Variants in GDF5 observed in about 807,000 individuals in gnomAD.
The protein encoded by GDF5 is growth/differentiation factor 5.
Under a neutral mutation model 34.6 loss-of-function variants are expected in GDF5, and 17 were observed. That is an observed-to-expected ratio of 0.49 (90% CI 0.34 to 0.74). The LOEUF (loss-of-function observed/expected upper bound fraction) is 0.74, where lower values mean the gene tolerates loss of function less well. Ranked by LOEUF, GDF5 falls within the 30% of genes least tolerant of loss-of-function variation. The pLI, the probability that GDF5 is intolerant of heterozygous loss-of-function variation, is 0.01. For synonymous variants in GDF5, 332 were observed against 290.7 expected (o/e 1.14, Z -1.44); for missense variants, 616 against 661.2 (o/e 0.93, Z 0.75).
At chr20:35,443,668 C>G (rs1336482280) in intron 1 of GDF5, among the ~76,000 whole-genome samples, 1 of 152,004 alleles carries the variant, frequency 6.6e-6, no homozygotes, top group Admixed American at 6.6e-5. Context: ...TGCGCCACCA[C>G]CCCTGGCTAA....
intron 1 of GDF5, among the ~76,000 whole-genome samples, chr20:35,436,159 CTAAT>C (rs2062471840): frequency 6.6e-6 from 1 of 152,258 alleles, no homozygotes; most frequent in East Asian, 1.9e-4. Flanking sequence ...TAGAAGGTGA[CTAAT>C]TAGGCCTTTA....
At chr20:35,447,903 C>T (rs141800881) in intron 1 of GDF5, among the ~76,000 whole-genome samples, 53 of 152,032 alleles carry the variant, frequency 3.5e-4, no homozygotes, top group African/African-American at 1.3e-3. Context: ...CTGCCTGAGC[C>T]CAGGAGTTGG....
chr20:35,454,177 G>T, intron 1 of GDF5: 1 of 375,350 alleles, frequency 2.7e-6, no homozygotes. Context: ...CACAAGGCCG[G>T]GCGCGGTGGC....
At chr20:35,451,090 T>TATATATATATAC (rs2062531792) in intron 1 of GDF5, among the ~76,000 whole-genome samples, 1 of 131,364 alleles carries the variant, frequency 7.6e-6, no homozygotes, top group Non-Finnish European at 1.7e-5. Context: ...TATATATATA[T>TATATATATATAC]ATACACAAAT....
rs2062457343 is a variant in GDF5 at position 35,434,148 on chromosome 20, C to G, written c.1267G>C (p.Glu423Gln). 1.2e-6 allele frequency: 2 copies of G among 1,614,060 alleles called. No individual in the cohort carries two copies. Among genetic ancestry groups the G allele is most frequent in the Non-Finnish European group, 8.5e-7 (1 of 1,180,046 alleles). The part of the protein sequence containing the change: ...GWDDWIIAPL[E>Q]YEAFHCEGLC... ...CCCTCGCAGTGGAAAGCCTCGTACT[C>G]AAGGGGTGCGATGATCCAGTCGTCC... The change falls in exon 2 of 2, where the codon GAG becomes CAG. Residue 423 changes from glutamate to glutamine, a missense_variant. Transcript: ENST00000374369.
upstream of GDF5, among the ~76,000 whole-genome samples, chr20:35,442,250 G>T (rs370440371): frequency 2.6e-5 from 4 of 151,930 alleles, no homozygotes; most frequent in East Asian, 7.8e-4. Context: ...GGGTTCAAGG[G>T]GTTTTCCTGC....
intron 1 of GDF5, among the ~76,000 whole-genome samples, chr20:35,445,932 G>A (rs1186640605): frequency 6.6e-6 from 1 of 151,988 alleles, no homozygotes; most frequent in African/African-American, 2.4e-5. Context: ...TCGCGCCATT[G>A]CACTCCAGCG....
chr20:35,440,696 C>T (rs2062494956), upstream of GDF5, among the ~76,000 whole-genome samples: 1 of 152,220 alleles, frequency 6.6e-6, no homozygotes, highest in African/African-American at 2.4e-5. Context: ...CCTATCCCAA[C>T]ACAGTTTGTT....
intron 1 of GDF5, among the ~76,000 whole-genome samples, chr20:35,444,820 C>G (rs973257235): frequency 6.6e-6 from 1 of 152,138 alleles, no homozygotes; most frequent in Non-Finnish European, 1.5e-5. Context: ...GTCTCGAACT[C>G]CTGACCTCCT....
At chr20:35,435,495 A>G (rs905921941) in intron 1 of GDF5, 1 of 86,024 alleles carries the variant, frequency 1.2e-5, no homozygotes, top group African/African-American at 4.3e-5. Context: ...AAAAAAAAAA[A>G]AAATACACGC....
chr20:35,434,022 A>G lies in GDF5; in HGVS notation c.1393T>C (p.Cys465Arg). ...GGACTCAGCCGCGTGGGCACACAGC[A>G]GGTGGGTGGTGTGGACTCGGGGTCC... ...SMDPESTPPT[C>R]CVPTRLSPIS... The change falls in exon 2 of 2, where the codon TGC (cysteine) becomes CGC (arginine). Residue 465 changes from cysteine to arginine, a missense_variant. By Grantham distance (180) the Cys-to-Arg change is radical. Coordinates refer to ENST00000374369, the MANE Select transcript of GDF5 (RefSeq NM_000557.5). 1.2e-6 allele frequency: 2 copies of G among 1,614,152 alleles called. No homozygotes were observed. The highest frequency in any genetic ancestry group is 8.5e-7 in the Non-Finnish European group (1 of 1,179,994).
At chr20:35,445,122 C>A (rs901613507) in intron 1 of GDF5, among the ~76,000 whole-genome samples, 2 of 152,168 alleles carry the variant, frequency 1.3e-5, no homozygotes, top group African/African-American at 4.8e-5. Flanking sequence ...AGTCACTCAC[C>A]TTCAAATCCT....
Position 35,451,050 on chromosome 20 carries a change from A to ATATATATATATATAT in GDF5, c.-398+3589_-398+3590insATATATATATATATA, listed in dbSNP as rs1289781571. On this transcript the variant is annotated intron_variant, in intron 1 of 3. Transcript: ENST00000374372. ...CAGATTTTAGACTAACAGAAAAAAA[A>ATATATATATATATAT]AAAAAAAAAAAAAAATATATATATA... is the stretch of plus-strand genomic sequence containing the variant. Among the ~76,000 whole-genome samples the ATATATATATATATAT allele has an allele frequency of 8.5e-4, 49 of 57,510 alleles. 1 individual carries two copies. Among genetic ancestry groups the ATATATATATATATAT allele is most frequent in the African/African-American group, 2.9e-3 (36 of 12,218 alleles). The allele number at this position is 57,510 out of a possible 152,430, so 37.7% of individuals were successfully genotyped here. A position where few individuals can be genotyped will look rare whatever the true frequency, so the allele number is the denominator to read the frequency against.
chr20:35,444,074 T>C (rs2146588132), intron 1 of GDF5, among the ~76,000 whole-genome samples: 1 of 152,294 alleles, frequency 6.6e-6, no homozygotes, highest in Non-Finnish European at 1.5e-5. Flanking sequence ...ATTCATTTCT[T>C]TATCTACTTA....
rs2062479573 is a variant in GDF5, at chr20:35,437,667, G to C, written c.262C>G (p.Gln88Glu). The C allele has an allele frequency of 2.5e-6, 4 of 1,614,126 alleles. No individual in the cohort carries two copies. The South Asian group carries it at 4.4e-5, about 18-fold the overall frequency. Residue 88 changes from glutamine (Q) to glutamate (E), a missense_variant, in exon 1 of 2, where the codon CAG (glutamine) becomes GAG (glutamate). By Grantham distance (29) the Gln-to-Glu change is conservative. Transcript: ENST00000374369. ...GGTGQTGGLT[Q>E]PKKDEPKKLP... ...TTTTTGGGTTCATCCTTCTTGGGCT[G>C]TGTCAGGCCTCCTGTCTGCCCGGTG...
intron 1 of GDF5, among the ~76,000 whole-genome samples, chr20:35,447,372 C>T (rs969012532): frequency 1.3e-5 from 2 of 152,192 alleles, no homozygotes; most frequent in East Asian, 3.8e-4. Context: ...GACGCGCTCT[C>T]AAGGGCTCCC....
chr20:35,434,667 C>G lies in GDF5; in HGVS notation c.748G>C (p.Ala250Pro). The change falls in exon 2 of 2, where the codon GCC becomes CCC. Residue 250 changes from alanine to proline, a missense_variant. Ala to Pro is a conservative substitution (Grantham distance 27). Coordinates refer to ENST00000374369, the MANE Select transcript of GDF5 (RefSeq NM_000557.5). Reference sequence around the variant, plus strand: ...CCGCCTCCGGGGGCCGCTGGCTTGGCCGTGTCCGAGGGCTTCTTCCGCAAG... The same window carrying G: ...CCGCCTCCGGGGGCCGCTGGCTTGGGCGTGTCCGAGGGCTTCTTCCGCAAG... ...RILRKKPSDT[A>P]KPAAPGGGRA... is the part of the protein sequence containing the mutation. 6.2e-7 allele frequency: 1 copy of G among 1,612,242 alleles called. No individual in the cohort carries two copies. The highest frequency in any genetic ancestry group is 8.5e-7 in the Non-Finnish European group (1 of 1,178,964).
chr20:35,442,705 C>T (rs754823430), upstream of GDF5, among the ~76,000 whole-genome samples: 2 of 151,392 alleles, frequency 1.3e-5, no homozygotes, highest in East Asian at 1.9e-4. Context: ...CCAAGACGCC[C>T]GGCTAATTTT....
chr20:35,448,943 G>A lies in GDF5; in HGVS notation c.-398+5697C>T, dbSNP rs138672544. ...TGGAATAAGAACTGCCTACTGAGGCGGGGTCAGGACCAGGGAGAAAATATC... is the reference window on the plus strand; with the variant it reads ...TGGAATAAGAACTGCCTACTGAGGCAGGGTCAGGACCAGGGAGAAAATATC... On this transcript the variant is annotated intron_variant, in intron 1 of 3. Coordinates refer to the GDF5 transcript ENST00000374372. 2.5e-3 allele frequency among the ~76,000 whole-genome samples: 374 copies of A among 152,266 alleles called. 3 individuals are homozygous for A. Among genetic ancestry groups the A allele is most frequent in the African/African-American group, 8.4e-3 (351 of 41,550 alleles).
Sources: gnomAD v4.1 joint callset for allele counts (sites outside exome capture counted in the v4.1 genomes callset) on GRCh38, gnomAD v4.1.1 for gene constraint, MANE v1.5 for transcripts, NCBI Gene and HGNC (gene_info 2026-07-23, HGNC 2026-07-21) for gene names.